Variants in WDR72 observed in about 807,000 individuals in gnomAD.
WDR72 encodes the protein WD repeat domain 72.
A neutral mutation model predicts 124.2 loss-of-function variants in WDR72; 120 were observed. The observed-to-expected ratio is 0.97, with a 90% CI of 0.83 to 1.12. The LOEUF (loss-of-function observed/expected upper bound fraction) is 1.12. WDR72 is among the 50% of genes most tolerant of loss of function. The pLI is 0.00. For synonymous variants in WDR72, 452 were observed against 441.7 expected, an observed-to-expected ratio of 1.02 and a Z score of -0.29; for missense variants, 1,387 against 1,278.8, an observed-to-expected ratio of 1.08 and a Z score of -1.29.
intron 1 of WDR72, among the ~76,000 whole-genome samples, chr15:53,752,769 T>A (rs1353285414): frequency 3.9e-5 from 6 of 152,180 alleles, no homozygotes; most frequent in Non-Finnish European, 5.9e-5. Flanking sequence ...TCCTGAAACA[T>A]ATATTTAAAT....
intron 13 of WDR72, among the ~76,000 whole-genome samples, chr15:53,670,828 C>A (rs1205498737): frequency 6.6e-6 from 1 of 152,164 alleles, no homozygotes; most frequent in Non-Finnish European, 1.5e-5. Flanking sequence ...GGTCCTCACT[C>A]AGCTGCTTGT....
chr15:53,749,146 T>C (rs945253270), intron 1 of WDR72, among the ~76,000 whole-genome samples: 1 of 152,188 alleles, frequency 6.6e-6, no homozygotes, highest in Non-Finnish European at 1.5e-5. Context: ...TAAAACTTCA[T>C]TTTATTGTAC....
At chr15:53,562,237 C>A (rs1335275706) in intron 18 of WDR72, among the ~76,000 whole-genome samples, 1 of 151,756 alleles carries the variant, frequency 6.6e-6, no homozygotes. Context: ...AGTTTACATT[C>A]TTAAATCCTT....
chr15:53,648,988 T>C (rs1014510880), intron 14 of WDR72, among the ~76,000 whole-genome samples: 6 of 152,006 alleles, frequency 3.9e-5, no homozygotes, highest in African/African-American at 1.2e-4. Context: ...TTTCAGCAAA[T>C]AGGGAGCTTT....
intron 18 of WDR72, among the ~76,000 whole-genome samples, chr15:53,574,237 T>G (rs1894671963): frequency 6.6e-6 from 1 of 152,228 alleles, no homozygotes; most frequent in South Asian, 2.1e-4. Context: ...GCTAATAATT[T>G]CAGCCGAAGT....
chr15:53,561,255 C>A (rs1397484414), intron 18 of WDR72, among the ~76,000 whole-genome samples: 2 of 151,666 alleles, frequency 1.3e-5, no homozygotes, highest in Non-Finnish European at 3.0e-5. Context: ...TATTAGTTCT[C>A]CTCTCTCTCC....
intron 18 of WDR72, among the ~76,000 whole-genome samples, chr15:53,537,954 T>C (rs1892847878): frequency 6.6e-6 from 1 of 152,174 alleles, no homozygotes; most frequent in African/African-American, 2.4e-5. Context: ...ATCTATTAAC[T>C]AAATAAAAAC....
At chr15:53,740,028 C>G (rs373054801) in intron 1 of WDR72, among the ~76,000 whole-genome samples, 2 of 152,156 alleles carry the variant, frequency 1.3e-5, no homozygotes, top group Admixed American at 1.3e-4. Flanking sequence ...TAACATTACA[C>G]TAAGGGATAA....
chr15:53,723,556 C>T (rs35570071), intron 2 of WDR72, among the ~76,000 whole-genome samples: 7,599 of 152,204 alleles, frequency 0.05, 196 homozygotes, highest in African/African-American at 0.058. Flanking sequence ...TGTCCATTAA[C>T]GGATGCAGAG....
intron 18 of WDR72, among the ~76,000 whole-genome samples, chr15:53,559,392 CA>C (rs1894051224): frequency 6.6e-6 from 1 of 151,986 alleles, no homozygotes; most frequent in Admixed American, 6.6e-5. Flanking sequence ...TCAGTCTCCC[CA>C]ACAGACTCTT....
chr15:53,567,542 C>T (rs917367040), intron 18 of WDR72, among the ~76,000 whole-genome samples: 1 of 151,984 alleles, frequency 6.6e-6, no homozygotes, highest in Non-Finnish European at 1.5e-5. Context: ...ACCTGCATAT[C>T]CGAGAGAGAT....
intron 18 of WDR72, among the ~76,000 whole-genome samples, chr15:53,596,275 A>C (rs541447742): frequency 1.3e-5 from 2 of 152,290 alleles, no homozygotes; most frequent in African/African-American, 4.8e-5. Flanking sequence ...AAAGCTTACA[A>C]TAAAGTTGAA....
At chr15:53,655,774 C>G (rs917240144) in intron 14 of WDR72, among the ~76,000 whole-genome samples, 2 of 152,044 alleles carry the variant, frequency 1.3e-5, no homozygotes, top group African/African-American at 4.8e-5. Context: ...CTCACTGCAA[C>G]TTCTGCCTCC....
chr15:53,732,198 T>G (rs889724567), intron 2 of WDR72, among the ~76,000 whole-genome samples: 41 of 152,322 alleles, frequency 2.7e-4, no homozygotes, highest in African/African-American at 8.2e-4. Context: ...TGATGGGAGA[T>G]GTTAATTAAT....
chr15:53,706,484 G>A (rs902232974), intron 9 of WDR72, among the ~76,000 whole-genome samples: 2 of 148,794 alleles, frequency 1.3e-5, no homozygotes, highest in African/African-American at 2.5e-5. Context: ...TACTATCATT[G>A]TTTTCATTTT....
rs190462561 is a variant in WDR72, at chr15:53,613,557, T to C, written c.2872+109A>G. On this transcript the variant is annotated intron_variant, in intron 16 of 19. Transcript: ENST00000360509. ...TCACAAACATAGGTAAAATCTATGTTTTATATATGTTATTTATTTTGACAC... is the reference window on the plus strand; with the variant it reads ...TCACAAACATAGGTAAAATCTATGTCTTATATATGTTATTTATTTTGACAC... 64 of 761,446 alleles carry C rather than the reference T, an allele frequency of 8.4e-5. 1 individual carries two copies. The African/African-American group carries it at 1.1e-3, about 13-fold the overall frequency. The allele number at this position is 761,446 out of a possible 1,614,324, so 47.2% of individuals were successfully genotyped here. A position where few individuals can be genotyped will look rare whatever the true frequency, so the allele number is the denominator to read the frequency against.
chr15:53,658,013 T>C (rs1440172300), intron 14 of WDR72, among the ~76,000 whole-genome samples: 1 of 152,220 alleles, frequency 6.6e-6, no homozygotes, highest in African/African-American at 2.4e-5. Flanking sequence ...GTACACATTA[T>C]ACTGGCATTT....
chr15:53,560,226 C>T (rs1276905212), intron 18 of WDR72, among the ~76,000 whole-genome samples: 1 of 151,848 alleles, frequency 6.6e-6, no homozygotes, highest in Non-Finnish European at 1.5e-5. Context: ...TGCTCTCTGA[C>T]CAGAGATGAA....
In WDR72 at chr15:53,715,376, A is replaced by C. The variant is rs760052152; in HGVS notation, c.340-9T>G. On this transcript the variant is annotated splice_polypyrimidine_tract_variant and intron_variant, in intron 4 of 19. Coordinates refer to ENST00000360509, the MANE Select transcript of WDR72 (RefSeq NM_182758.4). ...AATGAGCAGTGGTAATACTACGTAC[A>C]TGGAAAGCAAAGCAAACATTTAATT... 1 of 1,614,070 alleles carries C rather than the reference A, an allele frequency of 6.2e-7. No individual in the cohort carries two copies. The highest frequency in any genetic ancestry group is 1.7e-5 in the Admixed American group (1 of 60,018).
Sources: gnomAD v4.1 joint callset for allele counts (sites outside exome capture counted in the v4.1 genomes callset) on GRCh38, gnomAD v4.1.1 for gene constraint, MANE v1.5 for transcripts, NCBI Gene and HGNC (gene_info 2026-07-23, HGNC 2026-07-21) for gene names.